Variants in TTBK1 observed in about 807,000 individuals in gnomAD.
TTBK1 encodes tau-tubulin kinase 1.
Under a neutral mutation model 108.5 loss-of-function variants are expected in TTBK1, and 34 were observed. The observed-to-expected ratio is 0.31, with a 90% CI of 0.24 to 0.42. TTBK1 has a LOEUF of 0.42. TTBK1 is among the 10% of genes least tolerant of loss of function. TTBK1 has a pLI of 1.00. For synonymous variants in TTBK1, 809 were observed against 795.1 expected (o/e 1.02, Z -0.29); for missense variants, 1,539 against 1,826.0 (o/e 0.84, Z 2.86).
In TTBK1 at chr6:43,279,826, A is replaced by T. The variant is rs537125550; in HGVS notation, c.1987-2901A>T. Among the ~76,000 whole-genome samples the T allele has an allele frequency of 2.0e-5, 3 of 152,058 alleles. No homozygotes were observed. In the South Asian group the frequency reaches 6.2e-4, roughly 32 times the overall value. On this transcript the variant is annotated intron_variant, in intron 13 of 14. Transcript: ENST00000259750. The stretch of plus-strand genomic sequence containing the variant: ...CGTTCTGTTGCCCAGGCTGGAGTGC[A>T]GTGGTGCGATCACAGCTCACTGCAG...
chr6:43,283,587 G>T lies in TTBK1; in HGVS notation c.2847G>T (p.Leu949Phe), dbSNP rs142856778. 71 of 1,614,040 alleles carry T rather than the reference G, an allele frequency of 4.4e-5. No individual in the cohort carries two copies. Among genetic ancestry groups the T allele is most frequent in the African/African-American group, 2.1e-4 (16 of 74,942 alleles). The change falls in exon 14 of 15, where the codon TTG becomes TTT. Residue 949 changes from leucine to phenylalanine, a missense_variant. Around this residue, in one of 5 missense-constraint regions of TTBK1, gnomAD observed 1,055 missense variants for 1,086.5 expected, o/e 0.97. Transcript: ENST00000259750. This position sits in a 1 kb window ranked among gnomAD's most constrained non-coding sequence, Gnocchi z 8.1. ...TCATGTCTTCCGGTGGACAAGCCTT[G>T]CGGTCTGAGGAGTTCAGCGCTGGGG... is the stretch of plus-strand genomic sequence containing the variant. ...LNVMSSGGQA[L>F]RSEEFSAGGE...
intron 12 of TTBK1, among the ~76,000 whole-genome samples, chr6:43,261,396 G>A (rs1272664578): frequency 3.3e-5 from 5 of 152,072 alleles, no homozygotes; most frequent in Non-Finnish European, 5.9e-5. Context: ...GAGAGAGGGC[G>A]ATTCTTTCTT....
Position 43,263,465 on chromosome 6 carries a change from G to A in TTBK1, c.1986+115G>A. 9.6e-7 allele frequency: 1 copy of A among 1,046,124 alleles called. No individual in the cohort carries two copies. Among genetic ancestry groups the A allele is most frequent in the Non-Finnish European group, 1.3e-6 (1 of 766,528 alleles). The allele number at this position is 1,046,124 out of a possible 1,614,324, so 64.8% of individuals were successfully genotyped here. ...CTGACCAGTAAGCCAGCAGTCACAG[G>A]GCTGTGATGGAGGTAGACAGGCTTA... On this transcript the variant is annotated intron_variant, in intron 13 of 14. Transcript: ENST00000259750. This position sits in a 1 kb window ranked among gnomAD's most constrained non-coding sequence, Gnocchi z 4.7.
intron 13 of TTBK1, among the ~76,000 whole-genome samples, chr6:43,278,511 G>A (rs1778068455): frequency 6.6e-6 from 1 of 152,184 alleles, no homozygotes; most frequent in Non-Finnish European, 1.5e-5. Flanking sequence ...ACAGAATCTG[G>A]GGGTAGGATC....
rs184757345 is a variant in TTBK1, at chr6:43,279,480, C to G, written c.1987-3247C>G. Among the ~76,000 whole-genome samples, 249 of 152,202 alleles carry G rather than the reference C, an allele frequency of 1.6e-3. 1 individual carries two copies. Among genetic ancestry groups the G allele is most frequent in the Non-Finnish European group, 2.7e-3 (182 of 68,004 alleles). The stretch of plus-strand genomic sequence containing the variant: ...TTGGGAGAGAGACATGCTCAGAGCT[C>G]TCTGTCTGTCTACCTGTCCCTGACT... On this transcript the variant is annotated intron_variant, in intron 13 of 14. Coordinates refer to ENST00000259750, the MANE Select transcript of TTBK1 (RefSeq NM_032538.3).
At chr6:43,275,953 C>CCCCT (rs961632535) in intron 13 of TTBK1, among the ~76,000 whole-genome samples, 1 of 152,104 alleles carries the variant, frequency 6.6e-6, no homozygotes, top group Non-Finnish European at 1.5e-5. Flanking sequence ...GAGGGGCTGG[C>CCCCT]CCCTGCCCCC....
Position 43,253,791 on chromosome 6 carries a change from T to G in TTBK1, c.471+83T>G. The G allele has an allele frequency of 6.7e-7, 1 of 1,492,762 alleles. No individual in the cohort carries two copies. Among genetic ancestry groups the G allele is most frequent in the East Asian group, 2.4e-5 (1 of 41,598 alleles). The allele number at this position is 1,492,762 out of a possible 1,614,324, so 92.5% of individuals were successfully genotyped here. ...TTTCCCTGGGTCTCCTGGTTTCTCC[T>G]CTGCAACCATGGTTGGGACTTGTGA... is the stretch of plus-strand genomic sequence containing the variant. On this transcript the variant is annotated intron_variant, in intron 5 of 14. Coordinates refer to ENST00000259750, the MANE Select transcript of TTBK1 (RefSeq NM_032538.3). The surrounding 1 kb of genome is among the most constrained non-coding windows in gnomAD (Gnocchi z 5.8).
At position 43,265,172 on chromosome 6, in the gene TTBK1, C is replaced by T. The variant is rs777717996; in HGVS notation, c.1986+1822C>T. ...CGGAAGGGGCTCAGGGGCTGTGCCG[C>T]GTTCCACATAGTGGTCCCACATTGG... On this transcript the variant is annotated intron_variant, in intron 13 of 14. Transcript: ENST00000259750. The surrounding 1 kb of genome is among the most constrained non-coding windows in gnomAD (Gnocchi z 4.1). Among the ~76,000 whole-genome samples, 1 of 152,152 alleles carries T rather than the reference C, an allele frequency of 6.6e-6. No individual in the cohort carries two copies. Among genetic ancestry groups the T allele is most frequent in the African/African-American group, 2.4e-5 (1 of 41,428 alleles).
intron 13 of TTBK1, among the ~76,000 whole-genome samples, chr6:43,277,952 C>CG (rs1778054169): frequency 1.3e-5 from 2 of 152,146 alleles, no homozygotes; most frequent in Non-Finnish European, 2.9e-5. Context: ...CACAAGCCTC[C>CG]GACCTCAGCA....
intron 13 of TTBK1, among the ~76,000 whole-genome samples, chr6:43,277,317 T>C (rs1562096935): frequency 6.6e-6 from 1 of 151,382 alleles, no homozygotes; most frequent in Non-Finnish European, 1.5e-5. Context: ...GAAGGAGAAC[T>C]CAGTCAGTGG....
chr6:43,255,044 T>TGCAGCCTC lies in TTBK1; in HGVS notation c.577-3_581dup. 1 of 1,613,388 alleles carries TGCAGCCTC rather than the reference T, an allele frequency of 6.2e-7. No homozygotes were observed. ...GTGACGTTCTTGGTGGTCTCCCTTC[T>TGCAGCCTC]GCAGCCTCGGAATGTGGCCGGGTTT... On this transcript the variant is annotated splice_polypyrimidine_tract_variant and splice_region_variant and intron_variant, in intron 6 of 14. Transcript: ENST00000259750.
Position 43,252,875 on chromosome 6 carries a change from A to G in TTBK1, c.245A>G (p.Lys82Arg). ...QVLKMEVAVLKKLQGKDHVCR... is the reference protein window; with the variant it reads ...QVLKMEVAVLRKLQGKDHVCR... ...CTCAAGATGGAGGTGGCCGTGCTCA[A>G]GAAGTTGCAAGGTTCGGGCCTCGGG... The change falls in exon 3 of 15, where the codon AAG becomes AGG. Residue 82 changes from lysine (K) to arginine (R), a missense_variant. This residue lies in a region of TTBK1 where 155 missense variants were observed against 348.5 expected (regional missense o/e 0.44). Coordinates refer to ENST00000259750, the MANE Select transcript of TTBK1 (RefSeq NM_032538.3). 6.2e-7 allele frequency: 1 copy of G among 1,613,614 alleles called. No homozygotes were observed. Among genetic ancestry groups the G allele is most frequent in the Non-Finnish European group, 8.5e-7 (1 of 1,179,884 alleles).
rs370776106 is a variant in TTBK1 at position 43,255,569 on chromosome 6, C to T, written c.660C>T (p.Asp220=). Residue 220 remains aspartate (D), a synonymous_variant, in exon 8 of 15, where the codon GAC becomes GAT. Coordinates refer to ENST00000259750, the MANE Select transcript of TTBK1 (RefSeq NM_032538.3). ...ACCTCCAGGAGATGGGCCGCCACGACGACCTGTGGTCCCTCTTCTACATGC... is the reference window on the plus strand; with the variant it reads ...ACCTCCAGGAGATGGGCCGCCACGATGACCTGTGGTCCCTCTTCTACATGC... The part of the protein sequence containing the change: ...AHKNREMGRH[D]DLWSLFYMLV... The T allele has an allele frequency of 2.5e-6, 4 of 1,611,116 alleles. No individual in the cohort carries two copies. The highest frequency in any genetic ancestry group is 2.2e-5 in the South Asian group (2 of 90,606).
intron 1 of TTBK1, among the ~76,000 whole-genome samples, chr6:43,244,990 G>C (rs1777049821): frequency 6.6e-6 from 1 of 152,198 alleles, no homozygotes; most frequent in African/African-American, 2.4e-5. Flanking sequence ...TGTAAGGATT[G>C]GAGGAAACAG....
intron 1 of TTBK1, among the ~76,000 whole-genome samples, chr6:43,245,820 TCTC>T (rs994782277): frequency 2.6e-5 from 4 of 152,208 alleles, no homozygotes; most frequent in African/African-American, 9.6e-5. Context: ...CTCTTTCACT[TCTC>T]CTGCCTCCTG....
chr6:43,282,788 T>G lies in TTBK1; in HGVS notation c.2048T>G (p.Leu683Arg). The change falls in exon 14 of 15, where the codon CTG becomes CGG. Residue 683 changes from leucine (L) to arginine (R), a missense_variant. By Grantham distance (102) the Leu-to-Arg change is moderately radical. This residue lies in a region of TTBK1 where 1,055 missense variants were observed against 1,086.5 expected (regional missense o/e 0.97). Coordinates refer to ENST00000259750, the MANE Select transcript of TTBK1 (RefSeq NM_032538.3). The surrounding 1 kb of genome is among the most constrained non-coding windows in gnomAD (Gnocchi z 5.4). Reference protein sequence around the residue: ...NGLPRAVPLSLPYQDFKRDLS... With the variant: ...NGLPRAVPLSRPYQDFKRDLS... ...CTCCCACGAGCTGTGCCTCTGAGTC[T>G]GCCCTACCAGGACTTCAAAAGAGAC... 1.2e-6 allele frequency: 2 copies of G among 1,613,872 alleles called. No individual in the cohort carries two copies. Among genetic ancestry groups the G allele is most frequent in the Non-Finnish European group, 1.7e-6 (2 of 1,179,960 alleles).
rs1291442820 is a variant in TTBK1 at position 43,246,657 on chromosome 6, G to C, written c.-4G>C. On this transcript the variant is annotated 5_prime_UTR_variant, in exon 2 of 15. Coordinates refer to ENST00000259750, the MANE Select transcript of TTBK1 (RefSeq NM_032538.3). The stretch of plus-strand genomic sequence containing the variant: ...CGGCGGACACCCCTCCCTCTGGCTG[G>C]CGGATGCAGTGCCTAGCGGCCGCCC... 1 of 1,596,964 alleles carries C rather than the reference G, an allele frequency of 6.3e-7. No homozygotes were observed. The highest frequency in any genetic ancestry group is 8.5e-7 in the Non-Finnish European group (1 of 1,170,854).
rs377313507 is a variant in TTBK1, at chr6:43,263,315, C to T, written c.1951C>T (p.Arg651Trp). ...SPLHSGPRPR[R>W]RESDPTGPQR... ...CCTGCACTCGGGACCCCGCCCTCGA[C>T]GGAGAGAGTCGGACCCCACAGGCCC... Residue 651 changes from arginine to tryptophan, a missense_variant, in exon 13 of 15, where the codon CGG becomes TGG. By Grantham distance (101) the Arg-to-Trp change is moderately radical. Coordinates refer to ENST00000259750, the MANE Select transcript of TTBK1 (RefSeq NM_032538.3). The surrounding 1 kb of genome is among the most constrained non-coding windows in gnomAD (Gnocchi z 4.7). 1.2e-5 allele frequency: 17 copies of T among 1,477,794 alleles called. No individual in the cohort carries two copies. The highest frequency in any genetic ancestry group is 2.5e-5 in the Admixed American group (1 of 39,256). The allele number at this position is 1,477,794 out of a possible 1,614,324, so 91.5% of individuals were successfully genotyped here. A position where few individuals can be genotyped will look rare whatever the true frequency, so the allele number is the denominator to read the frequency against.
rs1294580568 is a variant in TTBK1 at position 43,252,003 on chromosome 6, G to A, written c.109-736G>A. ...CTGAGACTGGGAGGTCTGGCAATTG[G>A]TTTTCCTTCTGGATAGGGGTCGCTC... On this transcript the variant is annotated intron_variant, in intron 2 of 14. Transcript: ENST00000259750. 2.0e-5 allele frequency among the ~76,000 whole-genome samples: 3 copies of A among 152,140 alleles called. No individual in the cohort carries two copies. The East Asian group carries it at 5.8e-4, about 29-fold the overall frequency.
Sources: allele counts gnomAD v4.1 joint callset (sites outside exome capture counted in the v4.1 genomes callset), GRCh38; gene constraint gnomAD v4.1.1; regional missense constraint gnomAD v4.1.1; non-coding constraint Gnocchi (gnomAD v3.1); transcripts MANE v1.5; gene names NCBI Gene and HGNC (gene_info 2026-07-23, HGNC 2026-07-21).